The following SLIT3 variants were observed in gnomAD, a reference collection of about 807,000 sequenced individuals.
SLIT3 encodes slit guidance ligand 3, also known as slit homolog 3 protein.
Under a neutral mutation model 184.0 loss-of-function variants are expected in SLIT3, and 68 were observed. The ratio of observed to expected loss-of-function variants is 0.37; its 90% CI spans 0.30 to 0.45. The LOEUF (loss-of-function observed/expected upper bound fraction) is 0.45. SLIT3 is among the 20% of genes least tolerant of loss of function. SLIT3 has a pLI of 1.00. For missense variants in SLIT3, 1,707 were observed against 2,026.0 expected (o/e 0.84, Z 3.02); for synonymous variants, 831 against 828.6 (o/e 1.00, Z -0.05).
In SLIT3 at chr5:168,774,219, G is replaced by T. The variant is rs748968731; in HGVS notation, c.1295+16C>A. On this transcript the variant is annotated intron_variant, in intron 13 of 35. Transcript: ENST00000519560. ...GCTGCTTGGGCACCCACTGGCACCC[G>T]AGGCAGTGTACTCACAGTGTCTGGA... The T allele has an allele frequency of 6.3e-7, 1 of 1,582,758 alleles. No homozygotes were observed. The highest frequency in any genetic ancestry group is 1.4e-5 in the African/African-American group (1 of 73,908).
intron 4 of SLIT3, among the ~76,000 whole-genome samples, chr5:169,064,245 AG>A (rs1232148007): frequency 1.3e-5 from 2 of 152,194 alleles, no homozygotes; most frequent in Non-Finnish European, 2.9e-5. Context: ...AGGGGAGGCA[AG>A]GGACAGAACA....
intron 4 of SLIT3, among the ~76,000 whole-genome samples, chr5:168,936,511 G>A (rs1183219574): frequency 6.6e-6 from 1 of 152,178 alleles, no homozygotes; most frequent in Non-Finnish European, 1.5e-5. Context: ...GGGATTACAG[G>A]CGTGAGCCAC....
intron 12 of SLIT3, among the ~76,000 whole-genome samples, chr5:168,777,347 A>T (rs1242574316): frequency 6.6e-6 from 1 of 152,218 alleles, no homozygotes; most frequent in East Asian, 1.9e-4. Flanking sequence ...CAGATTCATA[A>T]GCCCAATTGT....
At chr5:169,137,234 C>T (rs1167294409) in intron 4 of SLIT3, among the ~76,000 whole-genome samples, 1 of 151,978 alleles carries the variant, frequency 6.6e-6, no homozygotes, top group Non-Finnish European at 1.5e-5. Context: ...GACATTTCCT[C>T]ATTGGATTCC....
rs115151275 is a variant in SLIT3, at chr5:169,253,193, G to A, written c.198-1734C>T. On this transcript the variant is annotated intron_variant, in intron 1 of 35. Transcript: ENST00000519560. ...CTGTACACACTCCAAAGCATCACAC[G>A]TGTTCTTCTTACCTCCCATCTGAAT... Among the ~76,000 whole-genome samples, 200 of 152,214 alleles carry A rather than the reference G, an allele frequency of 1.3e-3. No homozygotes were observed. The Middle Eastern group carries it at 0.017, about 13-fold the overall frequency.
intron 1 of SLIT3, among the ~76,000 whole-genome samples, chr5:169,268,023 G>A (rs1766458950): frequency 6.6e-6 from 1 of 152,160 alleles, no homozygotes; most frequent in Admixed American, 6.5e-5. Flanking sequence ...TATAAACATG[G>A]ACTGCATTGG....
At chr5:168,684,162 C>T (rs1761676361) in intron 31 of SLIT3, 66 bp from the exon 32 acceptor site, 1 of 1,420,670 alleles carries the variant, frequency 7.0e-7, no homozygotes, top group Non-Finnish European at 9.3e-7. Context: ...CTGCCCATCT[C>T]ACAGAGCCCT....
chr5:169,096,616 T>C (rs1489295764), intron 4 of SLIT3, among the ~76,000 whole-genome samples: 3 of 152,208 alleles, frequency 2.0e-5, no homozygotes, highest in Admixed American at 1.3e-4. Context: ...GCTTAGAGTA[T>C]ACCTTCCAAC....
At chr5:169,089,580 C>G (rs1480471778) in intron 4 of SLIT3, among the ~76,000 whole-genome samples, 1 of 152,176 alleles carries the variant, frequency 6.6e-6, no homozygotes, top group Non-Finnish European at 1.5e-5. Context: ...CACTCTGTGC[C>G]CCTAGTGGTG....
intron 4 of SLIT3, among the ~76,000 whole-genome samples, chr5:168,929,719 A>G (rs1761931811): frequency 1.3e-5 from 2 of 152,346 alleles, no homozygotes; most frequent in Middle Eastern, 3.4e-3. Context: ...CAGATAGTAA[A>G]ACCTAGCACC....
intron 4 of SLIT3, among the ~76,000 whole-genome samples, chr5:169,179,276 C>CATT (rs1554104704): frequency 8.0e-6 from 1 of 125,048 alleles, no homozygotes; most frequent in Non-Finnish European, 1.6e-5. Context: ...ATTCCTTTTT[C>CATT]TTTTTTTTTT....
chr5:169,268,225 A>AG (rs1210554615), intron 1 of SLIT3, among the ~76,000 whole-genome samples: 1 of 152,152 alleles, frequency 6.6e-6, no homozygotes, highest in Admixed American at 6.5e-5. Flanking sequence ...GGAGTGGCGG[A>AG]GGGGGGAATG....
chr5:168,944,264 G>C (rs1055456507), intron 4 of SLIT3, among the ~76,000 whole-genome samples: 1 of 152,108 alleles, frequency 6.6e-6, no homozygotes, highest in Non-Finnish European at 1.5e-5. Flanking sequence ...GGGAGAGTCA[G>C]ATAGCTGTGT....
intron 1 of SLIT3, among the ~76,000 whole-genome samples, chr5:169,290,742 A>T (rs150281120): frequency 6.0e-4 from 90 of 149,232 alleles, no homozygotes; most frequent in South Asian, 3.9e-3. Flanking sequence ...GCTAAGGCAC[A>T]CACTAGGGCA....
At chr5:169,020,281 A>G (rs1298565302) in intron 4 of SLIT3, among the ~76,000 whole-genome samples, 1 of 152,178 alleles carries the variant, frequency 6.6e-6, no homozygotes, top group East Asian at 1.9e-4. Flanking sequence ...TACATCTCCC[A>G]GTCTCCTTTG....
At chr5:168,772,660 T>C in intron 14 of SLIT3, 121 bp downstream of exon 14, 1 of 1,068,934 alleles carries the variant, frequency 9.4e-7, no homozygotes, top group Non-Finnish European at 1.4e-6. Context: ...CAATTTAATT[T>C]GCAAAGATGC....
chr5:168,711,961 T>C (rs1214277965), intron 24 of SLIT3, among the ~76,000 whole-genome samples: 1 of 152,206 alleles, frequency 6.6e-6, no homozygotes, highest in Non-Finnish European at 1.5e-5. Flanking sequence ...AGACACAATG[T>C]TATTATATAT....
intron 4 of SLIT3, among the ~76,000 whole-genome samples, chr5:169,147,093 G>A (rs1761950250): frequency 3.9e-5 from 6 of 152,182 alleles, no homozygotes; most frequent in Admixed American, 3.9e-4. Context: ...AACCATATCT[G>A]ATACTCCTAT....
chr5:168,781,351 T>A (rs1755962781), intron 12 of SLIT3, among the ~76,000 whole-genome samples: 1 of 152,200 alleles, frequency 6.6e-6, no homozygotes, highest in Non-Finnish European at 1.5e-5. Context: ...AACTTTCCTA[T>A]CTGATTGCCA....
Sources: allele counts gnomAD v4.1 joint callset (sites outside exome capture counted in the v4.1 genomes callset), GRCh38; gene constraint gnomAD v4.1.1; transcripts MANE v1.5; gene names NCBI Gene and HGNC (gene_info 2026-07-23, HGNC 2026-07-21).